DCHS2: variants seen among roughly 807,000 people sequenced by gnomAD.
DCHS2 encodes the protein dachsous cadherin-related 2.
A neutral mutation model predicts 182.4 loss-of-function variants in DCHS2; 142 were observed. That is an observed-to-expected ratio of 0.78 (90% CI 0.68 to 0.89). DCHS2 has a LOEUF of 0.89. Among genes scored for constraint, DCHS2 ranks in the 40% least tolerant of loss-of-function variants. The pLI is 0.00. For missense variants in DCHS2, 4,319 were observed against 4,198.6 expected (o/e 1.03, Z -0.79); for synonymous variants, 1,740 against 1,663.3 (o/e 1.05, Z -1.12).
At position 154,490,680 on chromosome 4, in the gene DCHS2, G is replaced by T; in HGVS notation, c.676C>A (p.Arg226=). Residue 226 remains arginine (R), a synonymous_variant, in exon 1 of 20, where the codon CGG becomes AGG. Coordinates refer to ENST00000357232, the MANE Select transcript of DCHS2 (RefSeq NM_001358235.2). The part of the protein sequence containing the change: ...PAGPFFQLRY[R]TPGPLPSPLL... ...GGTGACGGTAGTGGCCCCGGAGTCC[G>T]GTAGCGCAACTGGAAGAACGGGCCT... 1 of 1,551,592 alleles carries T rather than the reference G, an allele frequency of 6.4e-7. No individual in the cohort carries two copies. The highest frequency in any genetic ancestry group is 1.4e-5 in the African/African-American group (1 of 73,188).
chr4:154,277,076 T>C (rs1033110496), intron 13 of DCHS2, among the ~76,000 whole-genome samples: 1 of 152,226 alleles, frequency 6.6e-6, no homozygotes, highest in East Asian at 1.9e-4. Flanking sequence ...TCTTTTGTAA[T>C]TGGGCATATA....
At chr4:154,244,985 A>G (rs531925884) in intron 16 of DCHS2, among the ~76,000 whole-genome samples, 111 of 152,280 alleles carry the variant, frequency 7.3e-4, no homozygotes, top group Non-Finnish European at 1.5e-3. Context: ...TACTGTAGCC[A>G]TAATTACCAT....
intron 1 of DCHS2, among the ~76,000 whole-genome samples, chr4:154,381,295 A>T (rs1443594574): frequency 6.6e-6 from 1 of 152,108 alleles, no homozygotes; most frequent in African/African-American, 2.4e-5. Context: ...TGATGGAAAC[A>T]TTATAAAAAT....
At chr4:154,398,042 G>T (rs1287695003) in intron 1 of DCHS2, among the ~76,000 whole-genome samples, 2 of 152,136 alleles carry the variant, frequency 1.3e-5, no homozygotes, top group Admixed American at 6.5e-5. Flanking sequence ...ACAATAATGG[G>T]CATGAAAGTA....
intron 1 of DCHS2, among the ~76,000 whole-genome samples, chr4:154,381,048 C>A (rs1205451913): frequency 1.3e-5 from 2 of 152,082 alleles, no homozygotes; most frequent in African/African-American, 2.4e-5. Flanking sequence ...GCAAGAGGCA[C>A]CTGGCCAACT....
chr4:154,394,418 C>G (rs950365876), intron 1 of DCHS2, among the ~76,000 whole-genome samples: 4 of 152,144 alleles, frequency 2.6e-5, no homozygotes, highest in African/African-American at 9.7e-5. Context: ...TGGACAGTAA[C>G]TTAACTTCTC....
chr4:154,490,715 T>C lies in DCHS2; in HGVS notation c.641A>G (p.Lys214Arg). ...CTGGAAGAACGGGCCTGCGGGGTCC[T>C]TGGGCAGGTCGGACGGTTGCACCAG... The part of the protein sequence containing the change: ...YTLVQPSDLP[K>R]DPAGPFFQLR... The change falls in exon 1 of 20, where the codon AAG becomes AGG. Residue 214 changes from lysine (K) to arginine (R), a missense_variant. By Grantham distance (26) the Lys-to-Arg change is conservative (BLOSUM62 2). Transcript: ENST00000357232. 6.4e-7 allele frequency: 1 copy of C among 1,551,594 alleles called. No homozygotes were observed.
intron 14 of DCHS2, among the ~76,000 whole-genome samples, chr4:154,263,381 T>C (rs1352473733): frequency 6.6e-6 from 1 of 151,938 alleles, no homozygotes; most frequent in Non-Finnish European, 1.5e-5. Context: ...ATAATACATA[T>C]ATATGCATAG....
At chr4:154,473,826 G>A (rs921443461) in intron 1 of DCHS2, among the ~76,000 whole-genome samples, 2 of 152,118 alleles carry the variant, frequency 1.3e-5, no homozygotes, top group Non-Finnish European at 2.9e-5. Context: ...AGCAGTTCCC[G>A]GATGGAATAA....
intron 12 of DCHS2, among the ~76,000 whole-genome samples, chr4:154,300,564 G>C (rs1735158457): frequency 6.6e-6 from 1 of 151,022 alleles, no homozygotes; most frequent in Non-Finnish European, 1.5e-5. Flanking sequence ...ACATGTGCCT[G>C]TATTCCCCGC....
chr4:154,372,677 G>A (rs1730697421), intron 2 of DCHS2, among the ~76,000 whole-genome samples: 1 of 152,140 alleles, frequency 6.6e-6, no homozygotes, highest in Non-Finnish European at 1.5e-5. Flanking sequence ...TTAAATTGTA[G>A]AGCTTTCTTG....
intron 13 of DCHS2, among the ~76,000 whole-genome samples, chr4:154,294,698 A>T (rs1414922135): frequency 6.6e-6 from 1 of 152,238 alleles, no homozygotes; most frequent in East Asian, 1.9e-4. Context: ...ATCATAAAAA[A>T]TCATAAGTGG....
intron 12 of DCHS2, among the ~76,000 whole-genome samples, chr4:154,300,265 T>C (rs1735143644): frequency 6.6e-6 from 1 of 152,148 alleles, no homozygotes; most frequent in Non-Finnish European, 1.5e-5. Context: ...GCTCTCTGTA[T>C]ACTGCTGAAG....
chr4:154,300,720 A>T (rs1246838145), intron 12 of DCHS2, among the ~76,000 whole-genome samples: 3 of 152,062 alleles, frequency 2.0e-5, no homozygotes. Flanking sequence ...TTAAAAAAAA[A>T]GAAAAGAAAA....
chr4:154,353,559 T>C (rs1222004773), intron 3 of DCHS2, among the ~76,000 whole-genome samples: 1 of 152,212 alleles, frequency 6.6e-6, no homozygotes, highest in East Asian at 1.9e-4. Context: ...GTTCCCTGAC[T>C]CCTATCATCT....
intron 10 of DCHS2, among the ~76,000 whole-genome samples, chr4:154,309,852 C>T (rs138493663): frequency 1.6e-4 from 24 of 152,286 alleles, no homozygotes; most frequent in African/African-American, 5.1e-4. Flanking sequence ...AACCAAATGG[C>T]GCTGACTTTG....
intron 1 of DCHS2, among the ~76,000 whole-genome samples, chr4:154,466,588 A>C (rs1037096290): frequency 2.0e-5 from 3 of 152,178 alleles, no homozygotes; most frequent in African/African-American, 7.2e-5. Context: ...TTCTTGGCAT[A>C]CCCAGCAAGA....
In DCHS2 at chr4:154,298,265, A is replaced by C; in HGVS notation, c.6049T>G (p.Ser2017Ala). 6.2e-7 allele frequency: 1 copy of C among 1,614,166 alleles called. No individual in the cohort carries two copies. Among genetic ancestry groups the C allele is most frequent in the African/African-American group, 1.3e-5 (1 of 75,038 alleles). ...TTTATAATTACAGTGGTGCTTCGTG[A>C]ACCCTGGATGCTACAGTCTCTGGCC... is the stretch of plus-strand genomic sequence containing the variant. Reference protein sequence around the residue: ...AVARDCSIQGSRSTTVIIKVY... With the variant: ...AVARDCSIQGARSTTVIIKVY... The change falls in exon 13 of 20, where the codon TCA becomes GCA. Residue 2017 changes from serine (S) to alanine (A), a missense_variant. By Grantham distance (99) the Ser-to-Ala change is moderately conservative (BLOSUM62 1). Transcript: ENST00000357232.
Position 154,254,488 on chromosome 4 carries a change from G to A in DCHS2, c.6941+1031C>T, listed in dbSNP as rs150893055. ...TGGTATTTCATAGTATTCTATTCCA[G>A]GGTTTTGCTAATTCTTTAAGCAGTC... On this transcript the variant is annotated intron_variant, in intron 16 of 19. Coordinates refer to ENST00000357232, the MANE Select transcript of DCHS2 (RefSeq NM_001358235.2). Among the ~76,000 whole-genome samples, 446 of 152,264 alleles carry A rather than the reference G, an allele frequency of 2.9e-3. 2 individuals carry two copies. Among genetic ancestry groups the A allele is most frequent in the African/African-American group, 0.01 (430 of 41,554 alleles).
Sources: gnomAD v4.1 joint callset for allele counts (sites outside exome capture counted in the v4.1 genomes callset) on GRCh38, gnomAD v4.1.1 for gene constraint, MANE v1.5 for transcripts, NCBI Gene and HGNC (gene_info 2026-07-23, HGNC 2026-07-21) for gene names.